LARS2: variants seen among roughly 807,000 people sequenced by gnomAD.
LARS2 encodes leucyl-tRNA synthetase 2, mitochondrial.
Under a neutral mutation model 116.6 loss-of-function variants are expected in LARS2, and 81 were observed. The ratio of observed to expected loss-of-function variants is 0.69; its 90% CI spans 0.58 to 0.84. The LOEUF (loss-of-function observed/expected upper bound fraction) is 0.84, where lower values mean the gene tolerates loss of function less well. Ranked by LOEUF, LARS2 falls within the 40% of genes least tolerant of loss-of-function variation. LARS2 has a pLI of 0.00. For synonymous variants in LARS2, 396 were observed against 407.2 expected, an observed-to-expected ratio of 0.97 and a Z score of 0.33; for missense variants, 968 against 1,114.5, an observed-to-expected ratio of 0.87 and a Z score of 1.87.
chr3:45,542,445 A>G (rs1700813040), intron 21 of LARS2, among the ~76,000 whole-genome samples: 1 of 152,236 alleles, frequency 6.6e-6, no homozygotes, highest in South Asian at 2.1e-4. Flanking sequence ...TTTATCGTTT[A>G]AACCCTTTCT....
chr3:45,422,557 T>A (rs1412438198), intron 6 of LARS2: 1 of 152,290 alleles, frequency 6.6e-6, no homozygotes, highest in Admixed American at 6.5e-5. Context: ...TTAAAAAAAA[T>A]TTTCAAACAA....
chr3:45,500,221 C>T (rs969471254), intron 14 of LARS2, among the ~76,000 whole-genome samples: 10 of 152,138 alleles, frequency 6.6e-5, no homozygotes, highest in East Asian at 1.9e-4. Flanking sequence ...AGGCTGGTCT[C>T]GAACTCCTGA....
At chr3:45,465,914 G>T (rs1393765151) in intron 8 of LARS2, among the ~76,000 whole-genome samples, 1 of 152,112 alleles carries the variant, frequency 6.6e-6, no homozygotes, top group Non-Finnish European at 1.5e-5. Context: ...CCCTGTCAGG[G>T]AAATAAAGAC....
chr3:45,447,547 G>GTT (rs1699043201), intron 7 of LARS2, among the ~76,000 whole-genome samples: 1 of 152,016 alleles, frequency 6.6e-6, no homozygotes, highest in Admixed American at 6.6e-5. Flanking sequence ...CTGTGTGTGT[G>GTT]TGTCATACGG....
chr3:45,405,500 A>T (rs1698220381), intron 4 of LARS2, among the ~76,000 whole-genome samples: 1 of 152,226 alleles, frequency 6.6e-6, no homozygotes, highest in Non-Finnish European at 1.5e-5. Flanking sequence ...GCCCAGAATA[A>T]TGTTTCTCAA....
At chr3:45,422,555 A>T (rs1698531803) in intron 6 of LARS2, 1 of 152,218 alleles carries the variant, frequency 6.6e-6, no homozygotes. Context: ...GATTAAAAAA[A>T]ATTTTCAAAC....
At chr3:45,492,899 G>A (rs1017429496) in intron 13 of LARS2, among the ~76,000 whole-genome samples, 1 of 152,172 alleles carries the variant, frequency 6.6e-6, no homozygotes, top group African/African-American at 2.4e-5. Context: ...CCATTTTAGG[G>A]TAGAAATGTT....
chr3:45,436,971 T>G (rs1308780097), intron 6 of LARS2, among the ~76,000 whole-genome samples: 2 of 152,148 alleles, frequency 1.3e-5, no homozygotes, highest in Non-Finnish European at 1.5e-5. Context: ...GTTTTCAGGT[T>G]ACCATAAAAA....
At chr3:45,447,807 T>TA (rs1242995477) in intron 7 of LARS2, among the ~76,000 whole-genome samples, 2 of 152,012 alleles carry the variant, frequency 1.3e-5, no homozygotes, top group Admixed American at 6.6e-5. Context: ...AAGTGTTTGT[T>TA]ATGGTGGGAG....
intron 21 of LARS2, 99 bp downstream of exon 21, chr3:45,542,055 C>G: frequency 1.4e-6 from 2 of 1,463,468 alleles, no homozygotes; most frequent in South Asian, 1.3e-5. Flanking sequence ...GCAGGCCTTT[C>G]TAGCTCACTC....
intron 6 of LARS2, among the ~76,000 whole-genome samples, chr3:45,436,881 C>G (rs1430391442): frequency 1.3e-5 from 2 of 151,020 alleles, no homozygotes; most frequent in Non-Finnish European, 2.9e-5. Context: ...AGAGCAATTT[C>G]CAAGAAATTA....
At chr3:45,411,292 T>G (rs1012362984) in intron 4 of LARS2, among the ~76,000 whole-genome samples, 1 of 152,178 alleles carries the variant, frequency 6.6e-6, no homozygotes, top group African/African-American at 2.4e-5. Context: ...TAAACACCAC[T>G]ATAGGAAAAT....
At chr3:45,471,917 T>C (rs1472822139) in intron 8 of LARS2, among the ~76,000 whole-genome samples, 1 of 152,228 alleles carries the variant, frequency 6.6e-6, no homozygotes, top group Non-Finnish European at 1.5e-5. Context: ...AGATCTACTT[T>C]TGCTACAATG....
chr3:45,470,188 C>T (rs1198313670), intron 8 of LARS2, among the ~76,000 whole-genome samples: 2 of 152,118 alleles, frequency 1.3e-5, no homozygotes, highest in South Asian at 2.1e-4. Flanking sequence ...CATGTCGTAC[C>T]TTGTTCTTAA....
chr3:45,420,382 T>C (rs181873271), intron 6 of LARS2, among the ~76,000 whole-genome samples: 148 of 152,322 alleles, frequency 9.7e-4, no homozygotes, highest in Non-Finnish European at 1.7e-3. Context: ...GGACTGTTGC[T>C]TGTCTCCTCC....
At chr3:45,509,933 C>T (rs2125747967) in intron 15 of LARS2, among the ~76,000 whole-genome samples, 1 of 152,112 alleles carries the variant, frequency 6.6e-6, no homozygotes, top group South Asian at 2.1e-4. Flanking sequence ...GAAAGTATAG[C>T]ATCCAGTGCC....
chr3:45,528,974 T>G (rs553807333), intron 20 of LARS2, among the ~76,000 whole-genome samples: 42 of 152,148 alleles, frequency 2.8e-4, no homozygotes, highest in African/African-American at 9.4e-4. Context: ...GTTCAAGAGA[T>G]TCTCCTGCCT....
intron 6 of LARS2, among the ~76,000 whole-genome samples, chr3:45,424,533 C>G (rs1698562618): frequency 6.6e-6 from 1 of 152,126 alleles, no homozygotes; most frequent in African/African-American, 2.4e-5. Flanking sequence ...AGTAGTAGTT[C>G]TATATGATTT....
At chr3:45,484,630 A>AAAATAT (rs1553634443) in intron 10 of LARS2, among the ~76,000 whole-genome samples, 5 of 9,734 alleles carry the variant, frequency 5.1e-4, no homozygotes, top group African/African-American at 8.9e-4. Context: ...AAAAAAAAAA[A>AAAATAT]ATATATATAT....
Sources: allele counts gnomAD v4.1 joint callset (sites outside exome capture counted in the v4.1 genomes callset), GRCh38; gene constraint gnomAD v4.1.1; transcripts MANE v1.5; gene names NCBI Gene and HGNC (gene_info 2026-07-23, HGNC 2026-07-21).